Variants in EXOC4 observed in about 807,000 individuals in gnomAD.
EXOC4 encodes exocyst complex component 4.
In EXOC4, 71 loss-of-function variants were observed where a neutral mutation model predicts 107.2. The ratio of observed to expected loss-of-function variants is 0.66; its 90% CI spans 0.55 to 0.81. The LOEUF (loss-of-function observed/expected upper bound fraction) is 0.81. Ranked by LOEUF, EXOC4 falls within the 30% of genes least tolerant of loss-of-function variation. EXOC4 has a pLI of 0.00. For synonymous variants in EXOC4, 456 were observed against 441.2 expected (o/e 1.03, Z -0.42); for missense variants, 1,108 against 1,189.6 (o/e 0.93, Z 1.01).
At chr7:133,341,776 TTATC>T (rs1795666239) in intron 5 of EXOC4, among the ~76,000 whole-genome samples, 1 of 152,220 alleles carries the variant, frequency 6.6e-6, no homozygotes, top group African/African-American at 2.4e-5. Context: ...CCTTTTATCA[TTATC>T]TAATGTCCCT....
chr7:133,785,583 A>C (rs1021876479), intron 10 of EXOC4, among the ~76,000 whole-genome samples: 2 of 152,150 alleles, frequency 1.3e-5, no homozygotes, highest in African/African-American at 4.8e-5. Flanking sequence ...GGCTTCTTTC[A>C]TCATCAGCCC....
chr7:133,938,199 G>A, intron 14 of EXOC4, 130 bp downstream of exon 14: 1 of 856,596 alleles, frequency 1.2e-6, no homozygotes, highest in Non-Finnish European at 1.8e-6. Flanking sequence ...ATCCTGGTTA[G>A]AATTCTGCTT....
At chr7:133,774,756 G>A (rs771785424) in intron 10 of EXOC4, among the ~76,000 whole-genome samples, 4 of 152,040 alleles carry the variant, frequency 2.6e-5, no homozygotes, top group Non-Finnish European at 5.9e-5. Flanking sequence ...GATGTTTTAG[G>A]TGAACTAAAT....
chr7:133,826,245 G>C (rs1797699960), intron 11 of EXOC4, among the ~76,000 whole-genome samples: 1 of 152,118 alleles, frequency 6.6e-6, no homozygotes, highest in African/African-American at 2.4e-5. Context: ...CATGTTTTCA[G>C]ATCATTTTTA....
intron 7 of EXOC4, among the ~76,000 whole-genome samples, chr7:133,394,586 T>C (rs1149549): frequency 0.99 from 150,808 of 152,300 alleles, 74,681 homozygotes; most frequent in Middle Eastern, 1. Flanking sequence ...TTGTGGTCCT[T>C]TGGGAGTTGA....
At chr7:133,641,689 CT>C (rs2151025315) in intron 10 of EXOC4, among the ~76,000 whole-genome samples, 1 of 152,280 alleles carries the variant, frequency 6.6e-6, no homozygotes, top group East Asian at 1.9e-4. Flanking sequence ...CCATCAATAT[CT>C]TTTTTGCATA....
At chr7:133,460,656 ATTAGT>A (rs1798569797) in intron 7 of EXOC4, among the ~76,000 whole-genome samples, 1 of 151,918 alleles carries the variant, frequency 6.6e-6, no homozygotes, top group Non-Finnish European at 1.5e-5. Context: ...GGTATTTTTC[ATTAGT>A]TTAGTAGCTT....
chr7:134,073,120 C>T, the EXOC4 span, among the ~76,000 whole-genome samples: 2 of 140,178 alleles, frequency 1.4e-5, no homozygotes, highest in African/African-American at 2.6e-5. Context: ...ACAGGAGAAT[C>T]GCTTGAACCT....
chr7:133,761,962 G>T lies in EXOC4; in HGVS notation c.1515-55363G>T, dbSNP rs571128150. On this transcript the variant is annotated intron_variant, in intron 10 of 17. Transcript: ENST00000253861. ...AAGAAATGAGAAGATGGCACGTGGA[G>T]AGTCATGTGGATGCTCTTCTCTGCC... Among the ~76,000 whole-genome samples the T allele has an allele frequency of 5.9e-5, 9 of 152,244 alleles. No individual in the cohort carries two copies. The South Asian group carries it at 1.9e-3, about 32-fold the overall frequency.
chr7:133,421,141 T>C (rs555051275), intron 7 of EXOC4, among the ~76,000 whole-genome samples: 96 of 152,132 alleles, frequency 6.3e-4, no homozygotes, highest in Middle Eastern at 3.4e-3. Flanking sequence ...TACAGGGCTG[T>C]TGTGTGTGAA....
intron 11 of EXOC4, among the ~76,000 whole-genome samples, chr7:133,833,196 A>G (rs1185226737): frequency 7.7e-5 from 8 of 104,042 alleles, no homozygotes; most frequent in African/African-American, 2.1e-4. Context: ...TTCCAACTCA[A>G]ATAATAGGAG....
intron 10 of EXOC4, among the ~76,000 whole-genome samples, chr7:133,660,539 C>T (rs1803415528): frequency 6.6e-6 from 1 of 152,098 alleles, no homozygotes; most frequent in Admixed American, 6.6e-5. Flanking sequence ...TTGTTTTGGG[C>T]TGATCTCTAT....
intron 17 of EXOC4, among the ~76,000 whole-genome samples, chr7:134,021,632 T>C (rs1401706077): frequency 6.6e-6 from 1 of 151,288 alleles, no homozygotes; most frequent in Non-Finnish European, 1.5e-5. Context: ...TGCCGTGTGA[T>C]GATTTCCATT....
At chr7:133,484,229 A>G (rs1237524660) in intron 9 of EXOC4, 2 of 1,431,822 alleles carry the variant, frequency 1.4e-6, no homozygotes, top group Non-Finnish European at 1.8e-6. Context: ...AATGCATCTC[A>G]ATAGGCTCTA....
At chr7:133,325,723 G>A (rs1400824387) in intron 5 of EXOC4, among the ~76,000 whole-genome samples, 1 of 152,098 alleles carries the variant, frequency 6.6e-6, no homozygotes, top group African/African-American at 2.4e-5. Flanking sequence ...TATCTTTGTG[G>A]CATTCTCTGT....
intron 11 of EXOC4, among the ~76,000 whole-genome samples, chr7:133,873,857 A>G (rs1798796897): frequency 6.6e-6 from 1 of 152,196 alleles, no homozygotes. Flanking sequence ...ATTTTTAACC[A>G]CTAACTGTTC....
intron 12 of EXOC4, among the ~76,000 whole-genome samples, chr7:133,903,538 T>C (rs1377304696): frequency 2.0e-5 from 3 of 152,200 alleles, no homozygotes; most frequent in Admixed American, 6.5e-5. Flanking sequence ...CAGGATTTTA[T>C]ATTTGAGCAG....
intron 10 of EXOC4, among the ~76,000 whole-genome samples, chr7:133,752,977 C>G (rs1795825187): frequency 6.6e-6 from 1 of 152,208 alleles, no homozygotes; most frequent in Non-Finnish European, 1.5e-5. Context: ...TGCCATCCTG[C>G]TTAGGCAAAG....
At chr7:133,346,610 T>C (rs1795788828) in intron 5 of EXOC4, among the ~76,000 whole-genome samples, 1 of 152,190 alleles carries the variant, frequency 6.6e-6, no homozygotes, top group Non-Finnish European at 1.5e-5. Context: ...GGCCAGGTTC[T>C]CATCTGTGGG....
Sources: allele counts gnomAD v4.1 joint callset (sites outside exome capture counted in the v4.1 genomes callset), GRCh38; gene constraint gnomAD v4.1.1; transcripts MANE v1.5; gene names NCBI Gene and HGNC (gene_info 2026-07-23, HGNC 2026-07-21).